The following CADM2 variants were observed in gnomAD, a reference collection of about 807,000 sequenced individuals.
CADM2 encodes the protein immunoglobulin superfamily member 4D.
Under a neutral mutation model 49.8 loss-of-function variants are expected in CADM2, and 12 were observed. That is an observed-to-expected ratio of 0.24 (90% CI 0.15 to 0.39). The LOEUF (loss-of-function observed/expected upper bound fraction) is 0.39, where lower values mean the gene tolerates loss of function less well. Ranked by LOEUF, CADM2 falls within the 10% of genes least tolerant of loss-of-function variation. CADM2 has a pLI of 1.00. For synonymous variants in CADM2, 214 were observed against 175.4 expected (o/e 1.22, Z -1.74); for missense variants, 378 against 492.3 (o/e 0.77, Z 2.20).
chr3:85,709,354 A>G (rs951056191), intron 1 of CADM2, among the ~76,000 whole-genome samples: 1 of 152,160 alleles, frequency 6.6e-6, no homozygotes, highest in African/African-American at 2.4e-5. Flanking sequence ...TGTAAATGTC[A>G]GTGAAAAATG....
At chr3:85,744,409 A>C (rs2068525282) in intron 2 of CADM2, among the ~76,000 whole-genome samples, 3 of 152,122 alleles carry the variant, frequency 2.0e-5, no homozygotes, top group Admixed American at 2.0e-4. Flanking sequence ...GAGGTGAAGG[A>C]GATCGCATTT....
At chr3:85,852,064 C>G (rs1364099135) in intron 3 of CADM2, among the ~76,000 whole-genome samples, 1 of 151,972 alleles carries the variant, frequency 6.6e-6, no homozygotes. Context: ...ACTGCAAATG[C>G]CTTTAAAATA....
intron 1 of CADM2, among the ~76,000 whole-genome samples, chr3:85,486,953 T>TA (rs1174427448): frequency 1.3e-5 from 2 of 152,008 alleles, no homozygotes; most frequent in Non-Finnish European, 2.9e-5. Flanking sequence ...TTTTTTTTTT[T>TA]AAATCACAGT....
At chr3:85,460,575 A>T (rs1446804625) in intron 1 of CADM2, among the ~76,000 whole-genome samples, 1 of 152,146 alleles carries the variant, frequency 6.6e-6, no homozygotes, top group Admixed American at 6.6e-5. Flanking sequence ...GATGCCTTTA[A>T]AGTCTCCATT....
rs571918779 is a variant in CADM2, at chr3:85,488,908, T to TA, written c.62-237607dup. ...TGTAGCTCATACATGTAAGCTGTAG[T>TA]AAAAAAAGAAAAAGGCAATGGACCT... On this transcript the variant is annotated intron_variant, in intron 1 of 9. Coordinates refer to ENST00000383699, the MANE Select transcript of CADM2 (RefSeq NM_001167675.2). Among the ~76,000 whole-genome samples the TA allele has an allele frequency of 5.3e-5, 8 of 152,162 alleles. No individual in the cohort carries two copies. The South Asian group carries it at 1.5e-3, about 28-fold the overall frequency.
At chr3:86,018,255 A>T (rs1186598764) in intron 8 of CADM2, among the ~76,000 whole-genome samples, 3 of 125,832 alleles carry the variant, frequency 2.4e-5, no homozygotes, top group Non-Finnish European at 3.3e-5. Context: ...TATGTGCCAC[A>T]TTTTCTTAAT....
intron 8 of CADM2, chr3:86,013,790 G>T: frequency 6.3e-7 from 1 of 1,589,382 alleles, no homozygotes; most frequent in South Asian, 1.1e-5. Flanking sequence ...TAACTGAGAA[G>T]TGGGGATTAA....
At chr3:85,015,110 T>A (rs1229404852) in intron 1 of CADM2, among the ~76,000 whole-genome samples, 1 of 152,132 alleles carries the variant, frequency 6.6e-6, no homozygotes. Context: ...TATACATATA[T>A]AAGTATATGT....
At chr3:85,133,881 G>C (rs1484924416) in intron 1 of CADM2, among the ~76,000 whole-genome samples, 1 of 152,228 alleles carries the variant, frequency 6.6e-6, no homozygotes, top group African/African-American at 2.4e-5. Context: ...CCCTTGGGTG[G>C]TCGATGGGAC....
chr3:85,952,429 G>T (rs781157030), intron 7 of CADM2, among the ~76,000 whole-genome samples: 3 of 150,814 alleles, frequency 2.0e-5, no homozygotes, highest in Non-Finnish European at 4.5e-5. Context: ...TTCCAGTTCT[G>T]CCCTCTTCCC....
At chr3:85,345,843 TTG>T (rs1233477597) in intron 1 of CADM2, among the ~76,000 whole-genome samples, 1 of 152,198 alleles carries the variant, frequency 6.6e-6, no homozygotes, top group Non-Finnish European at 1.5e-5. Flanking sequence ...GATCATTTTT[TTG>T]TGTGTGAAAA....
At chr3:85,649,239 A>G (rs2064976815) in intron 1 of CADM2, among the ~76,000 whole-genome samples, 1 of 152,150 alleles carries the variant, frequency 6.6e-6, no homozygotes, top group Non-Finnish European at 1.5e-5. Context: ...ATCACTTTCT[A>G]ATGAAACCAC....
At chr3:85,050,008 A>G (rs1405268329) in intron 1 of CADM2, among the ~76,000 whole-genome samples, 1 of 152,036 alleles carries the variant, frequency 6.6e-6, no homozygotes, top group East Asian at 1.9e-4. Flanking sequence ...CGAGGAAAAT[A>G]AAATTATTCA....
intron 1 of CADM2, among the ~76,000 whole-genome samples, chr3:85,377,848 C>T (rs1182588711): frequency 2.0e-5 from 3 of 151,808 alleles, no homozygotes; most frequent in South Asian, 2.1e-4. Flanking sequence ...AAATGTGGGC[C>T]CAGGGAGCGA....
At chr3:84,962,030 G>A (rs1229770536) in intron 1 of CADM2, among the ~76,000 whole-genome samples, 5 of 152,036 alleles carry the variant, frequency 3.3e-5, no homozygotes, top group Admixed American at 3.3e-4. Context: ...CAATGATTAA[G>A]ACAGTGCTGC....
At chr3:85,825,454 CTACAA>C (rs1343667704) in intron 3 of CADM2, among the ~76,000 whole-genome samples, 1 of 152,054 alleles carries the variant, frequency 6.6e-6, no homozygotes, top group South Asian at 2.1e-4. Context: ...CTTTTCTACC[CTACAA>C]TATGCTGCCA....
chr3:85,134,788 A>T (rs983782146), intron 1 of CADM2, among the ~76,000 whole-genome samples: 3 of 152,052 alleles, frequency 2.0e-5, no homozygotes, highest in African/African-American at 2.4e-5. Context: ...AATTGTGCAA[A>T]TTTTTTAAAA....
chr3:85,675,874 C>T (rs527538403), intron 1 of CADM2, among the ~76,000 whole-genome samples: 5 of 152,196 alleles, frequency 3.3e-5, no homozygotes, highest in Admixed American at 1.3e-4. Flanking sequence ...GAGAGACAGA[C>T]GGCATTTGGA....
intron 2 of CADM2, among the ~76,000 whole-genome samples, chr3:85,731,123 A>G (rs1309869792): frequency 6.6e-6 from 1 of 152,160 alleles, no homozygotes; most frequent in Non-Finnish European, 1.5e-5. Flanking sequence ...GAATATTATA[A>G]ATCTGCTATA....
Sources: gnomAD v4.1 joint callset for allele counts (sites outside exome capture counted in the v4.1 genomes callset) on GRCh38, gnomAD v4.1.1 for gene constraint, MANE v1.5 for transcripts, NCBI Gene and HGNC (gene_info 2026-07-23, HGNC 2026-07-21) for gene names.